Variants in ACVR2A observed in about 807,000 individuals in gnomAD.
ACVR2A encodes the protein activin receptor type-2A.
Under a neutral mutation model 61.4 loss-of-function variants are expected in ACVR2A, and 7 were observed. The ratio of observed to expected loss-of-function variants is 0.11; its 90% CI spans 0.06 to 0.21. The LOEUF is 0.21. ACVR2A is among the 10% of genes least tolerant of loss of function. ACVR2A has a pLI of 1.00. For missense variants in ACVR2A, 322 were observed against 621.7 expected (o/e 0.52, Z 5.13); for synonymous variants, 193 against 208.3 (o/e 0.93, Z 0.63).
chr2:147,907,018 G>T (rs549184997), intron 4 of ACVR2A, among the ~76,000 whole-genome samples: 2 of 152,030 alleles, frequency 1.3e-5, no homozygotes, highest in South Asian at 4.2e-4. Context: ...AGGCCCCAGT[G>T]TACGTTGTTC....
chr2:147,848,351 TC>T (rs889554595), intron 1 of ACVR2A, among the ~76,000 whole-genome samples: 2 of 151,988 alleles, frequency 1.3e-5, no homozygotes, highest in Non-Finnish European at 2.9e-5. Flanking sequence ...CTGGGGTGAG[TC>T]CCCCTCCCTA....
At chr2:147,901,574 G>A (rs1469099300) in intron 4 of ACVR2A, among the ~76,000 whole-genome samples, 3 of 151,890 alleles carry the variant, frequency 2.0e-5, no homozygotes, top group African/African-American at 7.2e-5. Context: ...ATCTCTGTGG[G>A]TTTTAGATAT....
rs115497006 is a variant in ACVR2A at position 147,874,355 on chromosome 2, A to G, written c.56-21946A>G. ...ATGTAGCAACTTTGACTAGTATGAC[A>G]CATCTTCCTGTTATTTGTCTTAGTT... On this transcript the variant is annotated intron_variant, in intron 1 of 10. Transcript: ENST00000241416. Among the ~76,000 whole-genome samples, 432 of 152,070 alleles carry G rather than the reference A, an allele frequency of 2.8e-3. 4 individuals carry two copies. The highest frequency in any genetic ancestry group is 5.6e-3 in the South Asian group (27 of 4,828).
intron 1 of ACVR2A, among the ~76,000 whole-genome samples, chr2:147,871,817 T>C (rs1188823965): frequency 6.6e-6 from 1 of 152,126 alleles, no homozygotes; most frequent in Non-Finnish European, 1.5e-5. Context: ...AATTGCCATC[T>C]TCTTGCTCTT....
At position 147,927,263 on chromosome 2, in the gene ACVR2A, T is replaced by A. The variant is rs750820855; in HGVS notation, c.1531T>A (p.Ser511Thr). Residue 511 changes from serine to threonine, a missense_variant, in exon 11 of 11, where the codon TCT becomes ACT. Physicochemically the swap from Ser to Thr is moderately conservative, Grantham distance 58. Around this residue, in one of 3 missense-constraint regions of ACVR2A, gnomAD observed 34 missense variants for 37.6 expected, o/e 0.91. Transcript: ENST00000241416. ...VTNVDFPPKE[S>T]SL ...AAATGTTGACTTTCCTCCCAAAGAA[T>A]CTAGTCTATGATGGTTGCGCCATCT... The A allele has an allele frequency of 1.6e-5, 25 of 1,610,798 alleles. No individual in the cohort carries two copies. Among genetic ancestry groups the A allele is most frequent in the Non-Finnish European group, 1.8e-5 (21 of 1,178,214 alleles).
At chr2:147,878,286 CAT>C (rs577550159) in intron 1 of ACVR2A, among the ~76,000 whole-genome samples, 64 of 152,194 alleles carry the variant, frequency 4.2e-4, no homozygotes, top group East Asian at 1.5e-3. Flanking sequence ...TAAACAAAAA[CAT>C]GTGTGTGAAT....
At chr2:147,919,608 G>A (rs974580606) in intron 7 of ACVR2A, among the ~76,000 whole-genome samples, 1 of 152,152 alleles carries the variant, frequency 6.6e-6, no homozygotes, top group Non-Finnish European at 1.5e-5. Flanking sequence ...TCTCTAGGAT[G>A]AGCCAGTTGA....
intron 1 of ACVR2A, among the ~76,000 whole-genome samples, chr2:147,850,106 T>G (rs1392325823): frequency 2.0e-5 from 3 of 152,146 alleles, no homozygotes; most frequent in African/African-American, 7.2e-5. Flanking sequence ...TTTTGCTCAC[T>G]GCTCTGTAAC....
intron 3 of ACVR2A, 52 bp from the exon 4 acceptor site, chr2:147,899,692 T>A: frequency 6.2e-7 from 1 of 1,600,640 alleles, no homozygotes; most frequent in Non-Finnish European, 8.5e-7. Context: ...AGATATTTAT[T>A]ATAGAATTTT....
chr2:147,909,382 A>G (rs1012730663), intron 4 of ACVR2A, among the ~76,000 whole-genome samples: 1 of 151,890 alleles, frequency 6.6e-6, no homozygotes, highest in Non-Finnish European at 1.5e-5. Context: ...AATTTGTTGG[A>G]TGAATGAATG....
chr2:147,929,309 CAAGAA>C lies in ACVR2A; in HGVS notation c.*2038_*2042del, dbSNP rs1326173168. 1.6e-4 allele frequency: 24 copies of C among 152,060 alleles called. No individual in the cohort carries two copies. The highest frequency in any genetic ancestry group is 5.8e-4 in the African/African-American group (24 of 41,504). The allele number at this position is 152,060 out of a possible 1,614,324, so 9.4% of individuals were successfully genotyped here. A position where few individuals can be genotyped will look rare whatever the true frequency, so the allele number is the denominator to read the frequency against. On this transcript the variant is annotated 3_prime_UTR_variant, in exon 11 of 11. Coordinates refer to ENST00000241416, the MANE Select transcript of ACVR2A (RefSeq NM_001616.5). ...AGGGAAAATATTGAGAATGTGCATA[CAAGAA>C]AATCATTAATTTCCTGAAGATGAAT...
intron 4 of ACVR2A, chr2:147,903,084 T>G (rs1043262908): frequency 5.3e-5 from 8 of 151,970 alleles, no homozygotes; most frequent in African/African-American, 1.9e-4. Context: ...TCAAATTGTT[T>G]AGAATTTTTC....
At chr2:147,901,396 T>A (rs1686868921) in intron 4 of ACVR2A, among the ~76,000 whole-genome samples, 1 of 152,026 alleles carries the variant, frequency 6.6e-6, no homozygotes. Context: ...CTGATCTGTA[T>A]ACAGTATTGT....
chr2:147,893,435 C>G (rs1462727827), intron 1 of ACVR2A, among the ~76,000 whole-genome samples: 1 of 150,052 alleles, frequency 6.7e-6, no homozygotes, highest in East Asian at 2.0e-4. Context: ...TATGTTTTAA[C>G]TTTAAGAAGC....
intron 1 of ACVR2A, among the ~76,000 whole-genome samples, chr2:147,859,904 C>T (rs1169137398): frequency 1.3e-5 from 2 of 152,118 alleles, no homozygotes; most frequent in African/African-American, 4.8e-5. Flanking sequence ...AGAATATGTT[C>T]TTCTTCCATT....
At chr2:147,889,686 G>A (rs1329408286) in intron 1 of ACVR2A, among the ~76,000 whole-genome samples, 1 of 152,048 alleles carries the variant, frequency 6.6e-6, no homozygotes, top group Non-Finnish European at 1.5e-5. Flanking sequence ...GGCGGAGGTT[G>A]CAGTGAGCCG....
intron 4 of ACVR2A, among the ~76,000 whole-genome samples, chr2:147,901,674 TAAGG>T (rs1038078671): frequency 1.6e-4 from 24 of 151,968 alleles, no homozygotes; most frequent in Admixed American, 5.9e-4. Flanking sequence ...TTCTGAAAAA[TAAGG>T]AAGAAATGTA....
chr2:147,900,725 A>C (rs772137350), intron 4 of ACVR2A, among the ~76,000 whole-genome samples: 4 of 152,018 alleles, frequency 2.6e-5, no homozygotes, highest in Non-Finnish European at 5.9e-5. Context: ...ACATCTCTGA[A>C]TTGTAGTTTT....
At chr2:147,884,113 G>A (rs1288870396) in intron 1 of ACVR2A, among the ~76,000 whole-genome samples, 1 of 152,126 alleles carries the variant, frequency 6.6e-6, no homozygotes, top group Non-Finnish European at 1.5e-5. Context: ...CTGATTTTGA[G>A]AATTTACCTT....
Sources: gnomAD v4.1 joint callset for allele counts (sites outside exome capture counted in the v4.1 genomes callset) on GRCh38, gnomAD v4.1.1 for gene constraint, gnomAD v4.1.1 regional missense constraint, MANE v1.5 for transcripts, NCBI Gene and HGNC (gene_info 2026-07-23, HGNC 2026-07-21) for gene names.